The following TBC1D8 variants were observed in gnomAD, a reference collection of about 807,000 sequenced individuals.
TBC1D8 encodes the protein TBC1 domain family member 8, also known as BUB2-like protein 1.
In TBC1D8, 65 loss-of-function variants were observed where a neutral mutation model predicts 118.8. The observed-to-expected ratio is 0.55, with a 90% CI of 0.45 to 0.67. The LOEUF (loss-of-function observed/expected upper bound fraction) is 0.67, where lower values mean the gene tolerates loss of function less well. Among genes scored for constraint, TBC1D8 ranks in the 30% least tolerant of loss-of-function variants. The pLI is 0.00. For missense variants in TBC1D8, 1,376 were observed against 1,471.2 expected, an observed-to-expected ratio of 0.94 and a Z score of 1.06; for synonymous variants, 566 against 595.8, an observed-to-expected ratio of 0.95 and a Z score of 0.73.
At chr2:101,082,188 C>A (rs1391285130) in intron 2 of TBC1D8, among the ~76,000 whole-genome samples, 5 of 152,180 alleles carry the variant, frequency 3.3e-5, no homozygotes, top group African/African-American at 1.2e-4. Context: ...AGTTGGTAAC[C>A]TTGGGAATTA....
chr2:101,021,468 C>A (rs1302816540), intron 17 of TBC1D8, among the ~76,000 whole-genome samples: 1 of 152,148 alleles, frequency 6.6e-6, no homozygotes, highest in Non-Finnish European at 1.5e-5. Context: ...ACAGGCCCTC[C>A]AGGCAACTCT....
chr2:101,056,231 T>A (rs199911152), intron 3 of TBC1D8, among the ~76,000 whole-genome samples: 1 of 116,334 alleles, frequency 8.6e-6, no homozygotes, highest in Non-Finnish European at 1.9e-5. Context: ...TTTGAGACAG[T>A]CTCGCTCTGT....
chr2:101,010,839 G>A (rs955705804), intron 19 of TBC1D8, 90 bp downstream of exon 19: 47 of 1,065,052 alleles, frequency 4.4e-5, no homozygotes, highest in African/African-American at 4.0e-4. Flanking sequence ...CTGAGATCGC[G>A]CCACTGTACT....
chr2:101,069,873 G>C (rs1683214010), intron 2 of TBC1D8, among the ~76,000 whole-genome samples: 1 of 150,616 alleles, frequency 6.6e-6, no homozygotes, highest in Non-Finnish European at 1.5e-5. Context: ...AACATTCTTG[G>C]ACACAAGGAA....
At chr2:101,102,050 G>A (rs1379138544) in intron 1 of TBC1D8, among the ~76,000 whole-genome samples, 1 of 145,914 alleles carries the variant, frequency 6.9e-6, no homozygotes, top group Non-Finnish European at 1.5e-5. Context: ...GGGGAGTGGA[G>A]AGGAGGGGAG....
At chr2:101,135,590 C>T (rs910175989) in intron 1 of TBC1D8, among the ~76,000 whole-genome samples, 2 of 152,146 alleles carry the variant, frequency 1.3e-5, no homozygotes, top group South Asian at 2.1e-4. Context: ...TCACATTCAG[C>T]GATATGCACT....
At chr2:101,143,198 G>A (rs1679187098) in intron 1 of TBC1D8, among the ~76,000 whole-genome samples, 3 of 151,786 alleles carry the variant, frequency 2.0e-5, no homozygotes, top group Admixed American at 2.0e-4. Context: ...AAGTGGCTGG[G>A]ATTACAGGTG....
At chr2:101,026,112 GAAT>G (rs1257023636) in intron 15 of TBC1D8, among the ~76,000 whole-genome samples, 1 of 152,040 alleles carries the variant, frequency 6.6e-6, no homozygotes, top group African/African-American at 2.4e-5. Context: ...TTTTTATTGT[GAAT>G]TTAAAGCCAT....
At chr2:101,101,481 C>T (rs1439117202) in intron 1 of TBC1D8, among the ~76,000 whole-genome samples, 2 of 152,144 alleles carry the variant, frequency 1.3e-5, no homozygotes, top group Admixed American at 6.5e-5. Flanking sequence ...TTGTGGAAGA[C>T]AGTATGGCAA....
At chr2:101,066,058 G>A (rs181228343) in intron 2 of TBC1D8, among the ~76,000 whole-genome samples, 2 of 152,166 alleles carry the variant, frequency 1.3e-5, no homozygotes, top group Non-Finnish European at 2.9e-5. Context: ...GAGGCAGGCA[G>A]ATCACCTGAT....
chr2:101,051,099 T>A (rs1682043802), intron 4 of TBC1D8, among the ~76,000 whole-genome samples: 1 of 152,240 alleles, frequency 6.6e-6, no homozygotes, highest in Admixed American at 6.5e-5. Flanking sequence ...CATTCTTTTT[T>A]ATGGCTGCAT....
chr2:101,103,095 C>A (rs1430669647), intron 1 of TBC1D8, among the ~76,000 whole-genome samples: 1 of 151,744 alleles, frequency 6.6e-6, no homozygotes, highest in Non-Finnish European at 1.5e-5. Context: ...AGCTCTCAAG[C>A]AAAATTTTTC....
Position 101,129,324 on chromosome 2 carries a change from G to A in TBC1D8, c.127+21803C>T, listed in dbSNP as rs145912389. On this transcript the variant is annotated intron_variant, in intron 1 of 19. Coordinates refer to ENST00000409318, the MANE Select transcript of TBC1D8 (RefSeq NM_001330348.2). ...CCTGGCTAATGTTTTTGTATTTTTA[G>A]TAGACACGGGGTTTCGCCATGTTGG... Among the ~76,000 whole-genome samples the A allele has an allele frequency of 8.0e-3, 1,218 of 152,064 alleles. 15 individuals are homozygous for A. The highest frequency in any genetic ancestry group is 0.027 in the African/African-American group (1,117 of 41,510).
intron 1 of TBC1D8, among the ~76,000 whole-genome samples, chr2:101,123,425 G>A (rs541096026): frequency 4.5e-4 from 69 of 152,206 alleles, no homozygotes; most frequent in South Asian, 1.9e-3. Context: ...CTTGGCGACC[G>A]TTCTAGCAGT....
chr2:101,072,433 C>T (rs915789555), intron 2 of TBC1D8, among the ~76,000 whole-genome samples: 20 of 152,174 alleles, frequency 1.3e-4, no homozygotes, highest in African/African-American at 4.8e-4. Context: ...GCTCTCTTAA[C>T]CAACCAAATC....
intron 17 of TBC1D8, 58 bp from the exon 18 acceptor site, chr2:101,011,598 A>G (rs1215491851): frequency 6.4e-7 from 1 of 1,574,270 alleles, no homozygotes; most frequent in Non-Finnish European, 8.7e-7. Flanking sequence ...CAAAACTGAC[A>G]GTAATGTAGC....
intron 1 of TBC1D8, among the ~76,000 whole-genome samples, chr2:101,126,277 C>T (rs1678351422): frequency 6.6e-6 from 1 of 152,204 alleles, no homozygotes. Flanking sequence ...TCCACTCCCA[C>T]AACCCAAACA....
chr2:101,044,609 C>T (rs966244298), intron 5 of TBC1D8, among the ~76,000 whole-genome samples: 1 of 152,116 alleles, frequency 6.6e-6, no homozygotes, highest in African/African-American at 2.4e-5. Context: ...TGTAGGTCAC[C>T]GCAGAAGCAC....
intron 11 of TBC1D8, among the ~76,000 whole-genome samples, chr2:101,031,029 G>A (rs1023385936): frequency 6.7e-6 from 1 of 149,950 alleles, no homozygotes; most frequent in Non-Finnish European, 1.5e-5. Context: ...GTGTTCCAAT[G>A]GTCCCCTCCT....
Sources: gnomAD v4.1 joint callset for allele counts (sites outside exome capture counted in the v4.1 genomes callset) on GRCh38, gnomAD v4.1.1 for gene constraint, MANE v1.5 for transcripts, NCBI Gene and HGNC (gene_info 2026-07-23, HGNC 2026-07-21) for gene names.